The following RBFOX1 variants were observed in gnomAD, a reference collection of about 807,000 sequenced individuals.
RBFOX1 encodes RNA binding protein fox-1 homolog 1.
A neutral mutation model predicts 57.7 loss-of-function variants in RBFOX1; 8 were observed. That is an observed-to-expected ratio of 0.14 (90% CI 0.08 to 0.25). The LOEUF (loss-of-function observed/expected upper bound fraction) is 0.25, where lower values mean the gene tolerates loss of function less well. Ranked by LOEUF, RBFOX1 falls within the 10% of genes least tolerant of loss-of-function variation. The pLI, the probability that RBFOX1 is intolerant of heterozygous loss-of-function variation, is 1.00. For missense variants in RBFOX1, 611 were observed against 548.5 expected, an observed-to-expected ratio of 1.11 and a Z score of -1.14; for synonymous variants, 326 against 222.4, an observed-to-expected ratio of 1.47 and a Z score of -4.15.
At position 5,395,295 on chromosome 16, in the gene RBFOX1, A is replaced by G. The variant is rs555818828; in HGVS notation, c.220-71921A>G. Among the ~76,000 whole-genome samples the G allele has an allele frequency of 2.7e-4, 41 of 152,362 alleles. 1 individual carries two copies. The highest frequency in any genetic ancestry group is 2.1e-4 in the South Asian group (1 of 4,826). ...GCAAGGCAACTCCTCCAGGAAGTTC[A>G]GGCTCTTCGTACATTCTTCTGTTAG... On this transcript the variant is annotated intron_variant, in intron 1 of 2. Transcript: ENST00000585867.
intron 3 of RBFOX1, among the ~76,000 whole-genome samples, chr16:7,002,718 A>G (rs914689533): frequency 6.6e-6 from 1 of 152,194 alleles, no homozygotes; most frequent in African/African-American, 2.4e-5. Context: ...CTCAAAAACA[A>G]AGAAACAAAC....
chr16:7,005,204 T>TG (rs78971677), intron 3 of RBFOX1, among the ~76,000 whole-genome samples: 28,009 of 152,068 alleles, frequency 0.18, 3,316 homozygotes, highest in African/African-American at 0.33. Flanking sequence ...TCCTCACCTT[T>TG]TTGTGTGTGG....
intron 1 of RBFOX1, among the ~76,000 whole-genome samples, chr16:6,043,118 CAGAAAAAAAAAAAAAAAAAAAA>C: frequency 2.6e-5 from 1 of 37,752 alleles, no homozygotes; most frequent in African/African-American, 9.4e-5. Context: ...ATTGTGTTTC[CAGAAAAAAAAAAAAAAAAAAAA>C]AAAAAAAAAA....
intron 4 of RBFOX1, among the ~76,000 whole-genome samples, chr16:7,092,023 A>T (rs563430723): frequency 6.6e-6 from 1 of 152,194 alleles, no homozygotes; most frequent in Non-Finnish European, 1.5e-5. Context: ...AAATTAGTCA[A>T]TGAGAAAAAA....
chr16:6,296,201 C>A, intron 1 of RBFOX1, among the ~76,000 whole-genome samples: 1 of 152,188 alleles, frequency 6.6e-6, no homozygotes, highest in East Asian at 1.9e-4. Context: ...CACGCTCATC[C>A]ATTCCCCAGA....
At chr16:5,903,726 C>G (rs2058369078) in intron 4 of RBFOX1, among the ~76,000 whole-genome samples, 2 of 152,142 alleles carry the variant, frequency 1.3e-5, no homozygotes, top group African/African-American at 2.4e-5. Context: ...CACTTTGTCT[C>G]TCCTCCTCCC....
At chr16:6,836,064 C>G (rs547080713) in intron 3 of RBFOX1, among the ~76,000 whole-genome samples, 14 of 152,306 alleles carry the variant, frequency 9.2e-5, no homozygotes, top group African/African-American at 3.4e-4. Flanking sequence ...CAATAGCTAG[C>G]TCAGCTCTGC....
At chr16:5,361,331 G>T (rs1018521002) in intron 1 of RBFOX1, among the ~76,000 whole-genome samples, 1 of 152,164 alleles carries the variant, frequency 6.6e-6, no homozygotes, top group African/African-American at 2.4e-5. Flanking sequence ...AGGTTAAGAA[G>T]TGGGCCAACT....
At position 7,506,184 on chromosome 16, in the gene RBFOX1, CAAAAAAAAAAA is replaced by C. The variant is rs552568132; in HGVS notation, c.28-11940_28-11930del. 1.2e-3 allele frequency among the ~76,000 whole-genome samples: 58 copies of C among 49,946 alleles called. No individual in the cohort carries two copies. In the Admixed American group the frequency reaches 0.013, roughly 11 times the overall value. 32.8% of individuals were successfully genotyped at this position (49,946 alleles called of 152,430 possible). On this transcript the variant is annotated intron_variant, in intron 4 of 15. Coordinates refer to ENST00000550418, the MANE Select transcript of RBFOX1 (RefSeq NM_018723.4). ...TGGGTGACAGAGCAAGACTCTGTCT[CAAAAAAAAAAA>C]AAAAAAAAAAAAAAAAAAAAAATTT...
chr16:5,798,682 A>C (rs13331043), intron 3 of RBFOX1, among the ~76,000 whole-genome samples: 6,957 of 152,178 alleles, frequency 0.046, 514 homozygotes, highest in African/African-American at 0.16. Context: ...ATGAGAAGGG[A>C]CCTTCTGTTT....
chr16:5,909,925 C>G (rs919072793), intron 4 of RBFOX1, among the ~76,000 whole-genome samples: 2 of 152,042 alleles, frequency 1.3e-5, no homozygotes, highest in Non-Finnish European at 2.9e-5. Context: ...TGGTGGCAGG[C>G]ACCTGTAATC....
At chr16:6,914,338 T>C (rs1492386) in intron 3 of RBFOX1, among the ~76,000 whole-genome samples, 128,284 of 152,128 alleles carry the variant, frequency 0.84, 54,526 homozygotes, top group African/African-American at 0.96. Context: ...CCGGGGTGTC[T>C]GGGCTTAAAT....
chr16:7,343,258 G>GA (rs1271941096), intron 4 of RBFOX1, among the ~76,000 whole-genome samples: 7 of 152,234 alleles, frequency 4.6e-5, no homozygotes, highest in African/African-American at 1.7e-4. Flanking sequence ...GAAGCCTTTC[G>GA]GGGGGAAATT....
chr16:6,667,762 G>T (rs1391650452), intron 3 of RBFOX1, among the ~76,000 whole-genome samples: 1 of 152,024 alleles, frequency 6.6e-6, no homozygotes, highest in Admixed American at 6.6e-5. Flanking sequence ...GATGGTGCGT[G>T]CCTGTAGTCC....
At chr16:7,496,281 T>G (rs2068610527) in intron 4 of RBFOX1, among the ~76,000 whole-genome samples, 1 of 152,200 alleles carries the variant, frequency 6.6e-6, no homozygotes, top group Non-Finnish European at 1.5e-5. Context: ...TAGCTGGAAT[T>G]ACAGGCATGT....
At chr16:5,241,827 G>A (rs754244950) in intron 1 of RBFOX1, among the ~76,000 whole-genome samples, 4 of 152,146 alleles carry the variant, frequency 2.6e-5, no homozygotes, top group Admixed American at 1.3e-4. Context: ...TTGGCCGGGC[G>A]TGGTGGCTCA....
chr16:7,189,624 C>T (rs1402756037), intron 4 of RBFOX1, among the ~76,000 whole-genome samples: 2 of 150,996 alleles, frequency 1.3e-5, no homozygotes, highest in African/African-American at 4.9e-5. Flanking sequence ...CCACTCTATG[C>T]AGCATAATTA....
chr16:7,658,752 T>A (rs1357865731), intron 12 of RBFOX1, among the ~76,000 whole-genome samples: 2 of 152,044 alleles, frequency 1.3e-5, no homozygotes, highest in African/African-American at 4.8e-5. Context: ...TGAGATGGAG[T>A]CTTGCTCTGT....
chr16:5,679,316 T>C (rs1250655500), intron 3 of RBFOX1, among the ~76,000 whole-genome samples: 1 of 151,948 alleles, frequency 6.6e-6, no homozygotes, highest in East Asian at 1.9e-4. Context: ...GTTGTATGAC[T>C]GACCACCAAT....
Sources: gnomAD v4.1 joint callset for allele counts (sites outside exome capture counted in the v4.1 genomes callset) on GRCh38, gnomAD v4.1.1 for gene constraint, MANE v1.5 for transcripts, NCBI Gene and HGNC (gene_info 2026-07-23, HGNC 2026-07-21) for gene names.